Variants in CXCL13 observed in about 807,000 individuals in gnomAD.
CXCL13 encodes C-X-C motif chemokine ligand 13, also known as C-X-C motif chemokine 13.
A neutral mutation model predicts 12.2 loss-of-function variants in CXCL13; 7 were observed. The observed-to-expected ratio is 0.57, with a 90% CI of 0.33 to 1.07. The LOEUF (loss-of-function observed/expected upper bound fraction) is 1.07, where lower values mean the gene tolerates loss of function less well. Among genes scored for constraint, CXCL13 ranks in the 50% least tolerant of loss-of-function variants. The pLI, the probability that CXCL13 is intolerant of heterozygous loss-of-function variation, is 0.04. For missense variants in CXCL13, 113 were observed against 127.4 expected (o/e 0.89, Z 0.55); for synonymous variants, 47 against 42.4 (o/e 1.11, Z -0.42).
At chr4:77,565,794 C>G (rs540922828) in intron 1 of CXCL13, among the ~76,000 whole-genome samples, 5 of 152,202 alleles carry the variant, frequency 3.3e-5, no homozygotes, top group African/African-American at 1.2e-4. Flanking sequence ...GAAGTGCAGA[C>G]AGCTGAAGGA....
intron 1 of CXCL13, among the ~76,000 whole-genome samples, chr4:77,580,671 T>C (rs1726308260): frequency 6.6e-6 from 1 of 151,412 alleles, no homozygotes; most frequent in Admixed American, 6.6e-5. Flanking sequence ...TTTCCTTTCC[T>C]TTATTTCTGG....
chr4:77,610,928 A>C (rs1727134894), intron 3 of CXCL13, 60 bp from the exon 4 acceptor site: 1 of 1,467,192 alleles, frequency 6.8e-7, no homozygotes, highest in East Asian at 2.3e-5. Flanking sequence ...TCCAGAGGAA[A>C]GCCACAGTTT....
chr4:77,532,119 TTGA>T (rs1724942997), intron 1 of CXCL13, among the ~76,000 whole-genome samples: 1 of 152,238 alleles, frequency 6.6e-6, no homozygotes, highest in South Asian at 2.1e-4. Context: ...TGCTTGTTAG[TTGA>T]TGCAGTTTCT....
intron 1 of CXCL13, among the ~76,000 whole-genome samples, chr4:77,521,221 G>A (rs949691484): frequency 3.9e-5 from 6 of 152,196 alleles, no homozygotes; most frequent in African/African-American, 1.2e-4. Flanking sequence ...TCAGGATGAT[G>A]CTGGCCTCAT....
intron 1 of CXCL13, among the ~76,000 whole-genome samples, chr4:77,565,748 A>G (rs1428171686): frequency 6.6e-6 from 1 of 152,170 alleles, no homozygotes; most frequent in Non-Finnish European, 1.5e-5. Flanking sequence ...TGTCATGACG[A>G]TGGTCACTTT....
intron 1 of CXCL13, among the ~76,000 whole-genome samples, chr4:77,539,622 T>A (rs750353027): frequency 2.6e-5 from 4 of 152,204 alleles, no homozygotes; most frequent in Admixed American, 2.6e-4. Context: ...CAGTTGAATG[T>A]CCCTGGAAGG....
chr4:77,583,159 C>T (rs1726378475), intron 1 of CXCL13, among the ~76,000 whole-genome samples: 1 of 152,160 alleles, frequency 6.6e-6, no homozygotes, highest in Admixed American at 6.5e-5. Flanking sequence ...ATTAAGGTGG[C>T]CATTGGGAAA....
At chr4:77,518,355 G>A (rs1724481692) in intron 1 of CXCL13, among the ~76,000 whole-genome samples, 1 of 152,134 alleles carries the variant, frequency 6.6e-6, no homozygotes, top group Non-Finnish European at 1.5e-5. Flanking sequence ...TTGCTAGATT[G>A]GGGAAGTTCT....
chr4:77,536,554 T>C (rs1370118485), intron 1 of CXCL13, among the ~76,000 whole-genome samples: 1 of 152,178 alleles, frequency 6.6e-6, no homozygotes, highest in African/African-American at 2.4e-5. Context: ...GATAAAAATA[T>C]TGCCTCCCTT....
intron 1 of CXCL13, among the ~76,000 whole-genome samples, chr4:77,558,026 G>A (rs1267967209): frequency 2.0e-5 from 3 of 152,126 alleles, no homozygotes; most frequent in Admixed American, 6.5e-5. Context: ...ATTTCAAGTC[G>A]CATACCCTAG....
At chr4:77,562,224 C>T (rs1440342368) in intron 1 of CXCL13, among the ~76,000 whole-genome samples, 1 of 149,338 alleles carries the variant, frequency 6.7e-6, no homozygotes, top group Admixed American at 6.6e-5. Flanking sequence ...CCCCAACCCC[C>T]ACCCCACCAT....
At chr4:77,523,093 G>A (rs1266003977) in intron 1 of CXCL13, among the ~76,000 whole-genome samples, 1 of 152,102 alleles carries the variant, frequency 6.6e-6, no homozygotes, top group Non-Finnish European at 1.5e-5. Flanking sequence ...TAGTCTGATG[G>A]GCTTCCCTTT....
chr4:77,557,200 T>C (rs183158726), intron 1 of CXCL13, among the ~76,000 whole-genome samples: 1 of 152,384 alleles, frequency 6.6e-6, no homozygotes, highest in Non-Finnish European at 1.5e-5. Context: ...TCTCTTATAC[T>C]TCCATTGTAT....
At chr4:77,513,927 G>A (rs1352730537) in intron 1 of CXCL13, among the ~76,000 whole-genome samples, 2 of 151,808 alleles carry the variant, frequency 1.3e-5, no homozygotes, top group South Asian at 4.1e-4. Context: ...CTAGCATTAG[G>A]TATATCTCCC....
upstream of CXCL13, among the ~76,000 whole-genome samples, chr4:77,603,352 A>G (rs1320225113): frequency 6.6e-6 from 1 of 152,240 alleles, no homozygotes; most frequent in Non-Finnish European, 1.5e-5. Context: ...TCAGTCTAGG[A>G]ATCTATTAAT....
chr4:77,521,925 G>A (rs1724611329), intron 1 of CXCL13, among the ~76,000 whole-genome samples: 1 of 151,982 alleles, frequency 6.6e-6, no homozygotes, highest in Middle Eastern at 3.2e-3. Context: ...TGTTCTTATG[G>A]TTTCAAAGAA....
rs75079497 is a variant in CXCL13 at position 77,582,332 on chromosome 4, T to A, written c.-42-23492T>A. On this transcript the variant is annotated intron_variant, in intron 1 of 4. Coordinates refer to the CXCL13 transcript ENST00000286758. The stretch of plus-strand genomic sequence containing the variant: ...TATATAATTACTAACTGGGCAGCAC[T>A]CCAAGAGAGACAGTATGATTCTTAA... Among the ~76,000 whole-genome samples, 559 of 152,266 alleles carry A rather than the reference T, an allele frequency of 3.7e-3. 2 individuals are homozygous for A. Among genetic ancestry groups the A allele is most frequent in the African/African-American group, 0.013 (527 of 41,546 alleles).
chr4:77,577,464 T>A (rs1370735249), intron 1 of CXCL13, among the ~76,000 whole-genome samples: 3 of 152,070 alleles, frequency 2.0e-5, no homozygotes, highest in Non-Finnish European at 4.4e-5. Flanking sequence ...TAATGGAAGT[T>A]AAAAGGCACA....
chr4:77,610,529 T>C (rs1727120176), intron 2 of CXCL13, 85 bp from the exon 3 acceptor site: 2 of 1,114,266 alleles, frequency 1.8e-6, no homozygotes, highest in Admixed American at 3.9e-5. Context: ...GAATAATTAT[T>C]TTCATACCAA....
Sources: allele counts gnomAD v4.1 joint callset (sites outside exome capture counted in the v4.1 genomes callset), GRCh38; gene constraint gnomAD v4.1.1; transcripts MANE v1.5; gene names NCBI Gene and HGNC (gene_info 2026-07-23, HGNC 2026-07-21).